Variants in CFAP46 observed in about 807,000 individuals in gnomAD.
CFAP46 encodes cilia- and flagella-associated protein 46.
A neutral mutation model predicts 325.7 loss-of-function variants in CFAP46; 245 were observed. That is an observed-to-expected ratio of 0.75 (90% CI 0.68 to 0.84). The LOEUF is 0.84. Ranked by LOEUF, CFAP46 falls within the 40% of genes least tolerant of loss-of-function variation. The pLI is 0.00. For missense variants in CFAP46, 3,346 were observed against 3,543.0 expected (o/e 0.94, Z 1.41); for synonymous variants, 1,523 against 1,495.9 (o/e 1.02, Z -0.42).
chr10:132,846,737 G>A (rs1368208016), intron 43 of CFAP46, among the ~76,000 whole-genome samples, 195 bp downstream of exon 43: 1 of 152,232 alleles, frequency 6.6e-6, no homozygotes, highest in East Asian at 1.9e-4. Flanking sequence ...GCAGGGGATC[G>A]GGGATAAGCA....
Position 132,924,683 on chromosome 10 carries a change from G to C in CFAP46, c.1256+13C>G. On this transcript the variant is annotated intron_variant, in intron 11 of 57. Coordinates refer to ENST00000368586, the MANE Select transcript of CFAP46 (RefSeq NM_001200049.3). ...GCCCTCTGTGGAGGACACAGCACAG[G>C]TGAGCGCCCCACCTGTCCAGCTTCT... 6.7e-7 allele frequency: 1 copy of C among 1,500,164 alleles called. No individual in the cohort carries two copies. Among genetic ancestry groups the C allele is most frequent in the South Asian group, 1.3e-5 (1 of 77,692 alleles). The allele number at this position is 1,500,164 out of a possible 1,614,324, so 92.9% of individuals were successfully genotyped here. A position where few individuals can be genotyped will look rare whatever the true frequency, so the allele number is the denominator to read the frequency against.
At position 132,813,535 on chromosome 10, in the gene CFAP46, CCGCCCCTG is replaced by C. The variant is rs1240346834; in HGVS notation, c.7388+609_7388+616del. 1.5e-3 allele frequency among the ~76,000 whole-genome samples: 196 copies of C among 130,284 alleles called. 61 individuals carry two copies. Among genetic ancestry groups the C allele is most frequent in the African/African-American group, 3.1e-3 (104 of 33,448 alleles). 85.5% of individuals were successfully genotyped at this position (130,284 alleles called of 152,430 possible). On this transcript the variant is annotated intron_variant, in intron 54 of 57. Transcript: ENST00000368586. Reference sequence around the variant, plus strand: ...CCTGCACACACCTGCCCCTGCAGCCCCGCCCCTGCACACACCTGCCCCTGCAGCCCCGC... The same window carrying C: ...CCTGCACACACCTGCCCCTGCAGCCCCACACACCTGCCCCTGCAGCCCCGC...
At chr10:132,859,948 G>A (rs891285389) in intron 37 of CFAP46, among the ~76,000 whole-genome samples, 9 of 152,194 alleles carry the variant, frequency 5.9e-5, no homozygotes, top group East Asian at 1.9e-4. Context: ...CCAGCAACTC[G>A]GGAGGCTGAG....
intron 48 of CFAP46, among the ~76,000 whole-genome samples, 188 bp from the exon 49 acceptor site, chr10:132,834,311 C>T (rs966745354): frequency 6.6e-6 from 1 of 152,200 alleles, no homozygotes; most frequent in Non-Finnish European, 1.5e-5. Flanking sequence ...ATCTCTGATC[C>T]ACCAGCCAAG....
At chr10:132,912,971 C>A in intron 18 of CFAP46, 75 bp downstream of exon 18, 1 of 1,510,374 alleles carries the variant, frequency 6.6e-7, no homozygotes, top group Non-Finnish European at 8.9e-7. Flanking sequence ...TGGAGTGCAG[C>A]TGCCTGCCTT....
chr10:132,909,646 C>T lies in CFAP46; in HGVS notation c.2649+273G>A, dbSNP rs190489139. On this transcript the variant is annotated intron_variant, in intron 20 of 57. Coordinates refer to ENST00000368586, the MANE Select transcript of CFAP46 (RefSeq NM_001200049.3). Reference sequence around the variant, plus strand: ...CTGGCTTTCCAGGAGCTCATGGGGCCGGCCCTGGGCCCACTCCTCCTTGGG... The same window carrying T: ...CTGGCTTTCCAGGAGCTCATGGGGCTGGCCCTGGGCCCACTCCTCCTTGGG... Among the ~76,000 whole-genome samples, 16 of 152,338 alleles carry T rather than the reference C, an allele frequency of 1.1e-4. No homozygotes were observed. In the East Asian group the frequency reaches 2.3e-3, roughly 22 times the overall value.
chr10:132,902,296 G>A (rs575122313), intron 22 of CFAP46, among the ~76,000 whole-genome samples: 2 of 151,262 alleles, frequency 1.3e-5, no homozygotes, highest in African/African-American at 4.9e-5. Flanking sequence ...GTGGCCCCAC[G>A]GGTCACAGAC....
At position 132,814,867 on chromosome 10, in the gene CFAP46, TTC is replaced by T. The variant is rs1165656142; in HGVS notation, c.7163_7164del (p.Arg2388LysfsTer18). ...ACCTTCCTGCCCTTCTTCGCTAGGC[TTC>T]TCTTTTTGGGGTCTCTGCTTCTTCC... Reference protein sequence around the residue: ...KEGRSRDPKKRSLAKKGRKGS... With the variant: ...KEGRSRDPKKXSLAKKGRKGS... On this transcript the variant is annotated frameshift_variant, in exon 51 of 58. Coordinates refer to ENST00000368586, the MANE Select transcript of CFAP46 (RefSeq NM_001200049.3). LOFTEE classifies it high-confidence loss of function. 1 of 1,614,194 alleles carries T rather than the reference TTC, an allele frequency of 6.2e-7. No homozygotes were observed. The highest frequency in any genetic ancestry group is 1.1e-5 in the South Asian group (1 of 91,080).
At chr10:132,932,108 C>CAG (rs2135699553) in intron 8 of CFAP46, among the ~76,000 whole-genome samples, 1 of 148,356 alleles carries the variant, frequency 6.7e-6, no homozygotes, top group African/African-American at 2.5e-5. Flanking sequence ...AGAGCCTGGG[C>CAG]CTTCCTCCTC....
At chr10:132,841,849 G>T (rs373748006) in intron 44 of CFAP46, among the ~76,000 whole-genome samples, 1 of 152,132 alleles carries the variant, frequency 6.6e-6, no homozygotes, top group African/African-American at 2.4e-5. Context: ...CCTGTGGAGG[G>T]CACCTCTGGC....
rs376081407 is a variant in CFAP46, at chr10:132,814,648, C to T, written c.7250-36G>A. The T allele has an allele frequency of 3.2e-4, 514 of 1,581,900 alleles. 1 individual carries two copies. Among genetic ancestry groups the T allele is most frequent in the Admixed American group, 8.0e-4 (43 of 53,666 alleles). On this transcript the variant is annotated intron_variant, in intron 52 of 57. Coordinates refer to ENST00000368586, the MANE Select transcript of CFAP46 (RefSeq NM_001200049.3). The stretch of plus-strand genomic sequence containing the variant: ...GTCAAGGAGAAACGGGAGCACAGGG[C>T]GGGGTCTGGGGCCCCCCCGGGGCCC...
intron 44 of CFAP46, 65 bp from the exon 45 acceptor site, chr10:132,836,979 CCCT>C: frequency 4.0e-6 from 5 of 1,250,406 alleles, no homozygotes; most frequent in Non-Finnish European, 5.9e-6. Context: ...TGTGCTGTTC[CCCT>C]CATTTCCAGG....
At position 132,857,792 on chromosome 10, in the gene CFAP46, TATAAGAC is replaced by T. The variant is rs1472763733; in HGVS notation, c.5376-11_5376-5del. On this transcript the variant is annotated splice_polypyrimidine_tract_variant and splice_region_variant and intron_variant, in intron 38 of 57. Coordinates refer to ENST00000368586, the MANE Select transcript of CFAP46 (RefSeq NM_001200049.3). Reference sequence around the variant, plus strand: ...TTTCTCGTTCTGGGCACGTAACCTTTATAAGACATAAGAATGGAATTTTAAAACATTA... The same window carrying T: ...TTTCTCGTTCTGGGCACGTAACCTTTATAAGAATGGAATTTTAAAACATTA... The T allele has an allele frequency of 2.0e-6, 3 of 1,517,232 alleles. No homozygotes were observed. The highest frequency in any genetic ancestry group is 2.6e-6 in the Non-Finnish European group (3 of 1,133,604). The allele number at this position is 1,517,232 out of a possible 1,614,324, so 94.0% of individuals were successfully genotyped here. A position where few individuals can be genotyped will look rare whatever the true frequency, so the allele number is the denominator to read the frequency against.
chr10:132,867,288 G>T, intron 34 of CFAP46, 87 bp downstream of exon 34: 1 of 1,480,714 alleles, frequency 6.8e-7, no homozygotes, highest in South Asian at 1.3e-5. Flanking sequence ...CAGGCCGGCC[G>T]CCTGGCTCAG....
At chr10:132,901,437 T>C (rs1004065720) in intron 22 of CFAP46, among the ~76,000 whole-genome samples, 4 of 152,234 alleles carry the variant, frequency 2.6e-5, no homozygotes. Context: ...TCTCTTTGCT[T>C]TATTCCATTT....
At chr10:132,879,763 T>C in intron 28 of CFAP46, 132 bp from the exon 29 acceptor site, 1 of 918,086 alleles carries the variant, frequency 1.1e-6, no homozygotes, top group East Asian at 3.0e-5. Flanking sequence ...TCCACTCTGC[T>C]GAGGGCCGGC....
Position 132,810,429 on chromosome 10 carries a change from C to A in CFAP46, c.7644G>T (p.Trp2548Cys), listed in dbSNP as rs1847555489. 7.4e-6 allele frequency: 12 copies of A among 1,613,478 alleles called. No homozygotes were observed. Among genetic ancestry groups the A allele is most frequent in the Non-Finnish European group, 1.0e-5 (12 of 1,179,962 alleles). Reference protein sequence around the residue: ...RNSASPSEDEWRRGGEPRRGF... With the variant: ...RNSASPSEDECRRGGEPRRGF... Reference sequence around the variant, plus strand: ...CTTACCTTGGTTCACCGCCTCGTCGCCACTCATCTTCTGAAGGAGACGCAC... The same window carrying A: ...CTTACCTTGGTTCACCGCCTCGTCGACACTCATCTTCTGAAGGAGACGCAC... The change falls in exon 57 of 58, where the codon TGG (tryptophan) becomes TGT (cysteine). Residue 2548 changes from tryptophan to cysteine, a missense_variant. By Grantham distance (215) the Trp-to-Cys change is radical. Coordinates refer to ENST00000368586, the MANE Select transcript of CFAP46 (RefSeq NM_001200049.3).
chr10:132,941,815 C>T lies in CFAP46; in HGVS notation c.175-93G>A. 2.5e-6 allele frequency: 4 copies of T among 1,573,274 alleles called. No individual in the cohort carries two copies. In the South Asian group the frequency reaches 4.7e-5, roughly 18 times the overall value. ...CGGGCCCGCTTTCAGAACAGGCCCC[C>T]AGCACAGGTGGAGCCTGTTTCCAGC... On this transcript the variant is annotated intron_variant, in intron 2 of 57. Transcript: ENST00000368586.
intron 22 of CFAP46, among the ~76,000 whole-genome samples, chr10:132,903,637 TC>T (rs1395783006): frequency 6.6e-6 from 1 of 152,280 alleles, no homozygotes; most frequent in Non-Finnish European, 1.5e-5. Flanking sequence ...ACGTATATTT[TC>T]AAGTTTTACA....
Sources: allele counts gnomAD v4.1 joint callset (sites outside exome capture counted in the v4.1 genomes callset), GRCh38; gene constraint gnomAD v4.1.1; transcripts MANE v1.5; gene names NCBI Gene and HGNC (gene_info 2026-07-23, HGNC 2026-07-21).